Variants in ARHGAP32 observed in about 807,000 individuals in gnomAD.
ARHGAP32 encodes Rho GTPase activating protein 32.
In ARHGAP32, 51 loss-of-function variants were observed where a neutral mutation model predicts 186.5. The ratio of observed to expected loss-of-function variants is 0.27; its 90% CI spans 0.22 to 0.35. ARHGAP32 has a LOEUF of 0.35. Among genes scored for constraint, ARHGAP32 ranks in the 10% least tolerant of loss-of-function variants. The probability of loss-of-function intolerance (pLI) is 1.00; values close to 1 mark genes in which losing one functional copy is unlikely to be tolerated. For missense variants in ARHGAP32, 2,186 were observed against 2,623.5 expected (o/e 0.83, Z 3.64); for synonymous variants, 950 against 964.3 (o/e 0.99, Z 0.27).
At chr11:129,159,825 A>G (rs1371468252) in intron 2 of ARHGAP32, among the ~76,000 whole-genome samples, 1 of 152,206 alleles carries the variant, frequency 6.6e-6, no homozygotes, top group Non-Finnish European at 1.5e-5. Context: ...ATCCTCAATA[A>G]AATACTGGCA....
chr11:129,039,335 A>T (rs1033684752), intron 11 of ARHGAP32, among the ~76,000 whole-genome samples: 6 of 152,252 alleles, frequency 3.9e-5, no homozygotes, highest in Admixed American at 6.5e-5. Flanking sequence ...TGAATAAACA[A>T]ATAAAATGTG....
intron 6 of ARHGAP32, among the ~76,000 whole-genome samples, chr11:129,075,935 G>T (rs1941026542): frequency 6.6e-6 from 1 of 152,162 alleles, no homozygotes; most frequent in Non-Finnish European, 1.5e-5. Context: ...GGATGAGACA[G>T]GTCGGTACAA....
chr11:129,041,052 G>T, intron 10 of ARHGAP32, 43 bp from the exon 11 acceptor site: 1 of 1,359,898 alleles, frequency 7.4e-7, no homozygotes, highest in South Asian at 1.3e-5. Flanking sequence ...CCAGCAAACA[G>T]ACCAATTATG....
At chr11:129,212,909 G>A (rs1178351637) in intron 1 of ARHGAP32, among the ~76,000 whole-genome samples, 7 of 147,632 alleles carry the variant, frequency 4.7e-5, no homozygotes, top group Non-Finnish European at 3.0e-5. Flanking sequence ...TTTAATGTAG[G>A]TGCAAAAAAA....
intron 11 of ARHGAP32, among the ~76,000 whole-genome samples, chr11:129,008,142 T>TC: frequency 6.6e-6 from 1 of 152,154 alleles, no homozygotes; most frequent in Non-Finnish European, 1.5e-5. Flanking sequence ...TTTCTTACCC[T>TC]CTCTAGTGCT....
At chr11:129,038,804 T>C (rs1019939468) in intron 11 of ARHGAP32, among the ~76,000 whole-genome samples, 8 of 149,274 alleles carry the variant, frequency 5.4e-5, no homozygotes, top group African/African-American at 1.8e-4. Context: ...GAAGGATCAT[T>C]TGAGGCCTGG....
At chr11:129,256,290 T>C (rs1023994619) in intron 1 of ARHGAP32, among the ~76,000 whole-genome samples, 5 of 144,996 alleles carry the variant, frequency 3.4e-5, no homozygotes, top group African/African-American at 7.8e-5. Flanking sequence ...GTATGATACA[T>C]GAAAAAGTTT....
chr11:129,050,411 GC>G (rs1473734746), intron 10 of ARHGAP32, among the ~76,000 whole-genome samples: 1 of 151,936 alleles, frequency 6.6e-6, no homozygotes, highest in Non-Finnish European at 1.5e-5. Context: ...TCAGTATGTT[GC>G]CCAGGCTGGC....
intron 8 of ARHGAP32, 51 bp from the exon 9 acceptor site, chr11:129,064,075 CTTCT>C (rs1940605902): frequency 2.0e-6 from 3 of 1,482,930 alleles, no homozygotes; most frequent in South Asian, 2.7e-5. Context: ...CTTGCAAATG[CTTCT>C]TTGACTATCT....
rs1325316318 is a variant in ARHGAP32, at chr11:129,044,742, T to C, written c.964-3733A>G. Among the ~76,000 whole-genome samples, 4 of 152,278 alleles carry C rather than the reference T, an allele frequency of 2.6e-5. No homozygotes were observed. The East Asian group carries it at 5.8e-4, about 22-fold the overall frequency. ...CCAGATTCTAAACTTGGCTCACCCATTTACTAGGTTCTGTGATCTATGGCA... is the reference window on the plus strand; with the variant it reads ...CCAGATTCTAAACTTGGCTCACCCACTTACTAGGTTCTGTGATCTATGGCA... On this transcript the variant is annotated intron_variant, in intron 10 of 22. Transcript: ENST00000682385.
chr11:129,024,155 C>G (rs935160383), intron 11 of ARHGAP32: 4 of 985,430 alleles, frequency 4.1e-6, no homozygotes, highest in African/African-American at 1.7e-5. Flanking sequence ...AGCTCTGCCT[C>G]CAGGAGCTTA....
chr11:129,101,540 C>A (rs1238336116), intron 5 of ARHGAP32, among the ~76,000 whole-genome samples: 2 of 152,060 alleles, frequency 1.3e-5, no homozygotes, highest in African/African-American at 4.8e-5. Context: ...AAACACACTA[C>A]AAGAAGTTTA....
At chr11:129,186,624 G>A (rs976451018) in intron 1 of ARHGAP32, among the ~76,000 whole-genome samples, 3 of 151,996 alleles carry the variant, frequency 2.0e-5, no homozygotes, top group African/African-American at 7.2e-5. Flanking sequence ...TGCAAAAAGG[G>A]ATTAATTACC....
At chr11:129,221,858 A>AC (rs1191702775) in intron 1 of ARHGAP32, among the ~76,000 whole-genome samples, 1 of 151,930 alleles carries the variant, frequency 6.6e-6, no homozygotes, top group Non-Finnish European at 1.5e-5. Flanking sequence ...CTATGCTCCA[A>AC]CCCTCTTCTT....
rs370976980 is a variant in ARHGAP32 at position 129,019,319 on chromosome 11, A to G, written c.1046-20851T>C. Among the ~76,000 whole-genome samples the G allele has an allele frequency of 2.8e-3, 420 of 152,358 alleles. 6 individuals are homozygous for G. The South Asian group carries it at 0.044, about 16-fold the overall frequency. ...AATACCATAACGATAATTATTGTATACATAATGATTATTGAGTGCTTACTA... is the reference window on the plus strand; with the variant it reads ...AATACCATAACGATAATTATTGTATGCATAATGATTATTGAGTGCTTACTA... On this transcript the variant is annotated intron_variant, in intron 11 of 22. Coordinates refer to ENST00000682385, the MANE Select transcript of ARHGAP32 (RefSeq NM_001378024.1).
intron 6 of ARHGAP32, among the ~76,000 whole-genome samples, chr11:129,069,740 G>A (rs1206201022): frequency 6.8e-6 from 1 of 148,048 alleles, no homozygotes; most frequent in African/African-American, 2.6e-5. Context: ...AGATGTATTA[G>A]GCTTCAACTC....
intron 5 of ARHGAP32, among the ~76,000 whole-genome samples, chr11:129,096,033 T>C (rs1941719245): frequency 1.3e-5 from 2 of 152,206 alleles, no homozygotes; most frequent in African/African-American, 4.8e-5. Context: ...CAGCACCTCA[T>C]TTCAACAGAC....
intron 11 of ARHGAP32, among the ~76,000 whole-genome samples, chr11:129,026,992 G>C (rs1428592474): frequency 6.7e-6 from 1 of 149,442 alleles, no homozygotes; most frequent in Non-Finnish European, 1.5e-5. Flanking sequence ...CCAGCTACTC[G>C]GGAGGCTGAG....
chr11:128,991,067 TA>T (rs11362997), intron 12 of ARHGAP32, among the ~76,000 whole-genome samples: 16,909 of 151,950 alleles, frequency 0.11, 1,214 homozygotes, highest in Non-Finnish European at 0.15. Flanking sequence ...CTACCATTTA[TA>T]AAAAAAAGTA....
Sources: gnomAD v4.1 joint callset for allele counts (sites outside exome capture counted in the v4.1 genomes callset) on GRCh38, gnomAD v4.1.1 for gene constraint, MANE v1.5 for transcripts, NCBI Gene and HGNC (gene_info 2026-07-23, HGNC 2026-07-21) for gene names.